CAST: variants seen among roughly 807,000 people sequenced by gnomAD.
The protein encoded by CAST is calpastatin, also known as MIR583 host.
A neutral mutation model predicts 119.6 loss-of-function variants in CAST; 76 were observed. That is an observed-to-expected ratio of 0.64 (90% CI 0.53 to 0.77). The LOEUF (loss-of-function observed/expected upper bound fraction) is 0.77, where lower values mean the gene tolerates loss of function less well. Among genes scored for constraint, CAST ranks in the 30% least tolerant of loss-of-function variants. The pLI is 0.00. For missense variants in CAST, 953 were observed against 946.5 expected (o/e 1.01, Z -0.09); for synonymous variants, 319 against 331.6 (o/e 0.96, Z 0.41).
the CAST span, among the ~76,000 whole-genome samples, chr5:96,222,603 A>G: frequency 6.6e-6 from 1 of 152,164 alleles, no homozygotes; most frequent in African/African-American, 2.4e-5. Flanking sequence ...TTAAAATGAT[A>G]AAAATAATAG....
the CAST span, among the ~76,000 whole-genome samples, chr5:96,289,392 C>T: frequency 1.3e-5 from 2 of 152,100 alleles, no homozygotes; most frequent in Non-Finnish European, 2.9e-5. Context: ...ATAATGCCCA[C>T]GTGTTGTGGG....
chr5:96,616,725 GCTCGCTCT>G (rs1747461630), intron 1 of CAST, among the ~76,000 whole-genome samples: 2 of 138,246 alleles, frequency 1.4e-5, no homozygotes, highest in Admixed American at 7.6e-5. Context: ...CCAAGCGCTC[GCTCGCTCT>G]CTCTCTCTCT....
the CAST span, among the ~76,000 whole-genome samples, chr5:96,515,306 G>GGGAACAAAC: frequency 2.0e-5 from 3 of 151,250 alleles, no homozygotes; most frequent in African/African-American, 7.4e-5. Flanking sequence ...CACAATGTTT[G>GGGAACAAAC]ATTGTTTGTT....
At chr5:96,726,321 G>A (rs1031240193) in intron 4 of CAST, among the ~76,000 whole-genome samples, 4 of 152,144 alleles carry the variant, frequency 2.6e-5, no homozygotes, top group African/African-American at 4.8e-5. Context: ...CAGTTCTGTA[G>A]AAGCATTTCT....
At chr5:96,104,389 T>C in the CAST span, among the ~76,000 whole-genome samples, 1 of 152,348 alleles carries the variant, frequency 6.6e-6, no homozygotes, top group East Asian at 1.9e-4. Context: ...AAGTATTTAA[T>C]CCATCTTGAA....
the CAST span, among the ~76,000 whole-genome samples, chr5:96,466,781 A>C: frequency 6.6e-6 from 1 of 152,054 alleles, no homozygotes; most frequent in East Asian, 1.9e-4. Flanking sequence ...AATACCTCTA[A>C]TATTTTGCAA....
At chr5:96,164,732 A>G in the CAST span, among the ~76,000 whole-genome samples, 2 of 152,220 alleles carry the variant, frequency 1.3e-5, no homozygotes. Context: ...TGCAGAGAAA[A>G]AAAGTGTAAC....
chr5:96,198,025 A>G, the CAST span, among the ~76,000 whole-genome samples: 42 of 152,310 alleles, frequency 2.8e-4, no homozygotes, highest in Non-Finnish European at 4.9e-4. Flanking sequence ...TGGCCTCCCA[A>G]TGTGTTGTGA....
At chr5:96,399,175 A>G in the CAST span, 2 of 666,042 alleles carry the variant, frequency 3.0e-6, no homozygotes, top group East Asian at 5.4e-5. Context: ...AACCTAATTC[A>G]GAATTATGTA....
At chr5:96,370,060 AAG>A in the CAST span, among the ~76,000 whole-genome samples, 1 of 152,056 alleles carries the variant, frequency 6.6e-6, no homozygotes, top group Non-Finnish European at 1.5e-5. Flanking sequence ...AACTGAATAA[AAG>A]AGGATCTGAA....
chr5:96,040,924 C>T, the CAST span, among the ~76,000 whole-genome samples: 322 of 152,106 alleles, frequency 2.1e-3, 2 homozygotes, highest in African/African-American at 6.8e-3. Flanking sequence ...TTCTATTGAT[C>T]GGAATAGTCT....
intron 1 of CAST, among the ~76,000 whole-genome samples, chr5:96,559,158 C>A (rs1353357191): frequency 6.6e-6 from 1 of 151,894 alleles, no homozygotes; most frequent in East Asian, 1.9e-4. Flanking sequence ...AATTCAACAA[C>A]CCTTCATGCT....
At chr5:96,277,849 A>G in the CAST span, among the ~76,000 whole-genome samples, 1 of 152,058 alleles carries the variant, frequency 6.6e-6, no homozygotes, top group African/African-American at 2.4e-5. Flanking sequence ...AAAAAATTGT[A>G]TGTTCATTTC....
chr5:96,386,524 T>C, the CAST span, among the ~76,000 whole-genome samples: 3 of 152,220 alleles, frequency 2.0e-5, no homozygotes, highest in Non-Finnish European at 4.4e-5. Flanking sequence ...GACTCTTACA[T>C]TTTCTCCTTT....
chr5:96,560,444 T>G (rs1222037101), intron 1 of CAST, among the ~76,000 whole-genome samples: 3 of 151,732 alleles, frequency 2.0e-5, no homozygotes, highest in Non-Finnish European at 4.4e-5. Flanking sequence ...AGAAAATTTT[T>G]GCAATCTACT....
rs752771591 is a variant in CAST at position 96,742,649 on chromosome 5, T to C, written c.1099-6T>C. 7 of 1,600,606 alleles carry C rather than the reference T, an allele frequency of 4.4e-6. No individual in the cohort carries two copies. In the Admixed American group the frequency reaches 8.3e-5, roughly 19 times the overall value. On this transcript the variant is annotated splice_polypyrimidine_tract_variant and splice_region_variant and intron_variant, in intron 15 of 31. Coordinates refer to ENST00000675179, the MANE Select transcript of CAST (RefSeq NM_001750.7). ...TTTCATGCACAGGATTTTTTACTTT[T>C]AACAGGATACAATGAGTGATCAAGC...
At chr5:96,265,217 G>T in the CAST span, among the ~76,000 whole-genome samples, 1,076 of 152,116 alleles carry the variant, frequency 7.1e-3, 10 homozygotes, top group African/African-American at 0.025. Flanking sequence ...GGTATAAGTG[G>T]GTGTGTTAGT....
chr5:96,548,708 T>C lies in CAST; in HGVS notation c.60+18828T>C, dbSNP rs540879877. Among the ~76,000 whole-genome samples, 6 of 152,366 alleles carry C rather than the reference T, an allele frequency of 3.9e-5. 1 individual carries two copies. The East Asian group carries it at 1.2e-3, about 29-fold the overall frequency. Reference sequence around the variant, plus strand: ...TCAAGGATGCTGGTACTCTTCTCTCTAGTTTATTTCTCAGTGCCTCAATAA... The same window carrying C: ...TCAAGGATGCTGGTACTCTTCTCTCCAGTTTATTTCTCAGTGCCTCAATAA... On this transcript the variant is annotated intron_variant, in intron 1 of 11. Coordinates refer to the CAST transcript ENST00000505143.
the CAST span, among the ~76,000 whole-genome samples, chr5:96,138,451 A>G: frequency 6.6e-6 from 1 of 151,878 alleles, no homozygotes; most frequent in Non-Finnish European, 1.5e-5. Flanking sequence ...TGTGGTGGCA[A>G]TTCTAGGTCT....
Sources: gnomAD v4.1 joint callset for allele counts (sites outside exome capture counted in the v4.1 genomes callset) on GRCh38, gnomAD v4.1.1 for gene constraint, MANE v1.5 for transcripts, NCBI Gene and HGNC (gene_info 2026-07-23, HGNC 2026-07-21) for gene names.